The following NREP variants were observed in gnomAD, a reference collection of about 807,000 sequenced individuals.
The protein encoded by NREP is neuronal regeneration related protein.
NREP carries 5 observed loss-of-function variants against 8.6 expected under a neutral mutation model. The ratio of observed to expected loss-of-function variants is 0.58; its 90% CI spans 0.30 to 1.22. The LOEUF is 1.22. Ranked by LOEUF, NREP falls within the 50% of genes most tolerant of loss-of-function variation. NREP has a pLI of 0.07. For synonymous variants in NREP, 27 were observed against 28.0 expected (o/e 0.96, Z 0.11); for missense variants, 86 against 82.5 (o/e 1.04, Z -0.17).
At chr5:111,976,591 C>G (rs1271709548) in intron 1 of NREP, 1 of 751,398 alleles carries the variant, frequency 1.3e-6, no homozygotes, top group Non-Finnish European at 2.2e-6. Flanking sequence ...ATCCTTCAAG[C>G]AAAATGAACA....
At chr5:111,897,490 C>T (rs1754539282) in intron 2 of NREP, among the ~76,000 whole-genome samples, 1 of 152,110 alleles carries the variant, frequency 6.6e-6, no homozygotes, top group Non-Finnish European at 1.5e-5. Context: ...ATACTTTTCC[C>T]ACACTTAATA....
At chr5:111,956,996 T>TAAAA (rs1350655851) in intron 2 of NREP, among the ~76,000 whole-genome samples, 5 of 148,300 alleles carry the variant, frequency 3.4e-5, no homozygotes, top group Admixed American at 2.7e-4. Flanking sequence ...AATAAATAAA[T>TAAAA]AAAATGCCAG....
At chr5:111,872,596 A>T (rs1455884064) in intron 2 of NREP, among the ~76,000 whole-genome samples, 1 of 152,042 alleles carries the variant, frequency 6.6e-6, no homozygotes, top group Non-Finnish European at 1.5e-5. Context: ...AGGCTAGGAG[A>T]GTGTGTTGTC....
At chr5:111,874,281 T>C (rs1211878353) in intron 2 of NREP, among the ~76,000 whole-genome samples, 1 of 152,194 alleles carries the variant, frequency 6.6e-6, no homozygotes, top group Non-Finnish European at 1.5e-5. Flanking sequence ...GTATGTGTGC[T>C]CTATGGTAAA....
At chr5:111,939,494 T>G (rs1363975346) in intron 2 of NREP, among the ~76,000 whole-genome samples, 2 of 152,068 alleles carry the variant, frequency 1.3e-5, no homozygotes, top group African/African-American at 2.4e-5. Context: ...CACTTAAATT[T>G]ATTTGTAACC....
At chr5:111,880,228 G>C (rs1754017154) in intron 2 of NREP, among the ~76,000 whole-genome samples, 1 of 151,986 alleles carries the variant, frequency 6.6e-6, no homozygotes, top group African/African-American at 2.4e-5. Context: ...TGGGTTATGA[G>C]AATTAAACGT....
At chr5:111,741,221 C>A (rs2112813461) in intron 2 of NREP, among the ~76,000 whole-genome samples, 1 of 152,244 alleles carries the variant, frequency 6.6e-6, no homozygotes, top group East Asian at 1.9e-4. Flanking sequence ...CCTGTATAAT[C>A]AATTCTTTCT....
rs186075852 is a variant in NREP at position 111,819,386 on chromosome 5, T to C, written c.136-83879A>G. Among the ~76,000 whole-genome samples the C allele has an allele frequency of 1.0e-3, 156 of 152,288 alleles. 2 individuals carry two copies. Among genetic ancestry groups the C allele is most frequent in the Non-Finnish European group, 1.8e-3 (124 of 68,016 alleles). ...ATGACACAGCAGTATGGGCTACCTGTGTCAGGAATAAGAACCCCTTCCCCT... is the reference window on the plus strand; with the variant it reads ...ATGACACAGCAGTATGGGCTACCTGCGTCAGGAATAAGAACCCCTTCCCCT... On this transcript the variant is annotated intron_variant, in intron 2 of 3. Transcript: ENST00000395634.
chr5:111,801,393 A>G (rs567889175), intron 2 of NREP, among the ~76,000 whole-genome samples: 13 of 152,218 alleles, frequency 8.5e-5, no homozygotes, highest in Non-Finnish European at 1.5e-4. Flanking sequence ...GGCAATGGCA[A>G]CCAAGGAATC....
intron 2 of NREP, among the ~76,000 whole-genome samples, chr5:111,804,132 T>G (rs1752081325): frequency 6.6e-6 from 1 of 152,154 alleles, no homozygotes; most frequent in Admixed American, 6.5e-5. Context: ...ATTGTCCCAT[T>G]AGAAATGTAA....
At chr5:111,941,599 AGGGGGTTAGGATTTTAACATATAAATTTT>A (rs757471491) in intron 2 of NREP, among the ~76,000 whole-genome samples, 2 of 152,090 alleles carry the variant, frequency 1.3e-5, no homozygotes, top group Non-Finnish European at 2.9e-5. Context: ...CTGAAGTATT[AGGGGGTTAGGATTTTAACATATAAATTTT>A]GGGGATGACA....
At chr5:111,806,142 G>A (rs1752135844) in intron 2 of NREP, among the ~76,000 whole-genome samples, 1 of 152,046 alleles carries the variant, frequency 6.6e-6, no homozygotes, top group Non-Finnish European at 1.5e-5. Context: ...AAAAAGCTAG[G>A]GGTTAGGCTT....
intron 2 of NREP, among the ~76,000 whole-genome samples, chr5:111,771,460 CACACAT>C (rs1462113661): frequency 4.9e-5 from 7 of 144,104 alleles, no homozygotes; most frequent in East Asian, 4.0e-4. Flanking sequence ...CACACACACA[CACACAT>C]ATGCACACTT....
At chr5:111,794,712 T>G (rs1391215994) in intron 2 of NREP, among the ~76,000 whole-genome samples, 2 of 152,042 alleles carry the variant, frequency 1.3e-5, no homozygotes, top group Admixed American at 1.3e-4. Flanking sequence ...CAGAGGATGT[T>G]TAGGACTGTG....
intron 2 of NREP, among the ~76,000 whole-genome samples, chr5:111,866,738 A>G (rs1245831777): frequency 6.6e-6 from 1 of 152,142 alleles, no homozygotes; most frequent in African/African-American, 2.4e-5. Flanking sequence ...AAGACTTGGA[A>G]CCAACCCAAA....
chr5:111,974,339 G>C (rs1756903303), intron 2 of NREP: 1 of 152,158 alleles, frequency 6.6e-6, no homozygotes, highest in Admixed American at 6.5e-5. Context: ...AATAGATGTG[G>C]AAACAGGGTA....
intron 2 of NREP, among the ~76,000 whole-genome samples, chr5:111,768,844 G>A (rs968695208): frequency 6.6e-6 from 1 of 152,160 alleles, no homozygotes; most frequent in African/African-American, 2.4e-5. Flanking sequence ...TACCTGTCTG[G>A]TAGAACCATT....
At chr5:111,790,885 C>A (rs1581120305) in intron 2 of NREP, among the ~76,000 whole-genome samples, 1 of 152,062 alleles carries the variant, frequency 6.6e-6, no homozygotes, top group Non-Finnish European at 1.5e-5. Context: ...ATACAGTATA[C>A]AATATTCATG....
At chr5:111,813,713 A>C (rs1156322725) in intron 2 of NREP, among the ~76,000 whole-genome samples, 1 of 152,134 alleles carries the variant, frequency 6.6e-6, no homozygotes, top group Non-Finnish European at 1.5e-5. Context: ...TTACCATAGA[A>C]AACAGAGAAG....
Sources: allele counts gnomAD v4.1 joint callset (sites outside exome capture counted in the v4.1 genomes callset), GRCh38; gene constraint gnomAD v4.1.1; transcripts MANE v1.5; gene names NCBI Gene and HGNC (gene_info 2026-07-23, HGNC 2026-07-21).